Variants in NRG1 observed in about 807,000 individuals in gnomAD.
The protein encoded by NRG1 is pro-neuregulin-1, membrane-bound isoform.
NRG1 carries 18 observed loss-of-function variants against 63.8 expected under a neutral mutation model. That is an observed-to-expected ratio of 0.28 (90% CI 0.19 to 0.42). The LOEUF (loss-of-function observed/expected upper bound fraction) is 0.42. NRG1 is among the 10% of genes least tolerant of loss of function. The pLI is 1.00. For missense variants in NRG1, 762 were observed against 814.7 expected, an observed-to-expected ratio of 0.94 and a Z score of 0.79; for synonymous variants, 302 against 301.3, an observed-to-expected ratio of 1.00 and a Z score of -0.02.
In NRG1 at chr8:32,742,133, C is replaced by A; in HGVS notation, c.633-542C>A. On this transcript the variant is annotated intron_variant, in intron 6 of 11. Coordinates refer to ENST00000356819, the Ensembl canonical transcript of NRG1. This position sits in a 1 kb window ranked among gnomAD's most constrained non-coding sequence, Gnocchi z 4.2. ...CCCCAACTACAGCAACAATCACTAC[C>A]ACTTGGTGCTTTTACAGCTCAGTCG... 1 of 1,363,028 alleles carries A rather than the reference C, an allele frequency of 7.3e-7. No individual in the cohort carries two copies. The highest frequency in any genetic ancestry group is 1.0e-6 in the Non-Finnish European group (1 of 952,454). The allele number at this position is 1,363,028 out of a possible 1,614,324, so 84.4% of individuals were successfully genotyped here.
At chr8:31,991,681 G>A (rs1033370952) in intron 1 of NRG1, among the ~76,000 whole-genome samples, 4 of 151,810 alleles carry the variant, frequency 2.6e-5, no homozygotes, top group African/African-American at 7.3e-5. Flanking sequence ...ATATCCTGTG[G>A]GTGTGTATCA....
intron 1 of NRG1, among the ~76,000 whole-genome samples, chr8:31,658,453 G>A (rs1484599510): frequency 6.6e-6 from 1 of 152,074 alleles, no homozygotes. Flanking sequence ...TTAGGCAGTG[G>A]TAAGTGCCTT....
intron 1 of NRG1, among the ~76,000 whole-genome samples, chr8:31,885,710 T>G (rs565710297): frequency 1.3e-5 from 2 of 152,080 alleles, no homozygotes; most frequent in African/African-American, 4.8e-5. Context: ...ATGTCCTGAT[T>G]TTTTGCTAAA....
intron 1 of NRG1, among the ~76,000 whole-genome samples, chr8:32,214,613 A>G (rs1192742927): frequency 6.6e-6 from 1 of 152,092 alleles, no homozygotes; most frequent in African/African-American, 2.4e-5. Context: ...ACTGCATTCC[A>G]TCCTGGGCAA....
chr8:31,673,772 TAGTC>T (rs1423543190), intron 1 of NRG1, among the ~76,000 whole-genome samples: 20 of 152,118 alleles, frequency 1.3e-4, no homozygotes. Context: ...GTGAGATTCA[TAGTC>T]AGGATGGTCT....
intron 1 of NRG1, among the ~76,000 whole-genome samples, chr8:31,694,597 G>A (rs982278665): frequency 6.6e-6 from 1 of 152,174 alleles, no homozygotes; most frequent in East Asian, 1.9e-4. Context: ...TTGTGATCTA[G>A]TAAAGCTTGT....
At chr8:32,545,802 C>T (rs970916106), upstream of NRG1, among the ~76,000 whole-genome samples, 7 of 152,148 alleles carry the variant, frequency 4.6e-5, no homozygotes, top group South Asian at 6.2e-4. Flanking sequence ...AATTCAGCTA[C>T]AAGTGATAAC....
At chr8:32,497,454 A>G (rs1362194829) in intron 1 of NRG1, among the ~76,000 whole-genome samples, 2 of 151,978 alleles carry the variant, frequency 1.3e-5, no homozygotes, top group Non-Finnish European at 2.9e-5. Context: ...ATCAAAAAAA[A>G]AAAAAAAAAA....
upstream of NRG1, among the ~76,000 whole-genome samples, chr8:32,547,884 G>C (rs1833261321): frequency 6.6e-6 from 1 of 152,154 alleles, no homozygotes; most frequent in Non-Finnish European, 1.5e-5. Flanking sequence ...GCACAGGTGT[G>C]GGAGTCGCAA....
At chr8:32,014,109 T>A (rs1330726194) in intron 1 of NRG1, among the ~76,000 whole-genome samples, 3 of 152,174 alleles carry the variant, frequency 2.0e-5, no homozygotes, top group African/African-American at 7.2e-5. Flanking sequence ...GGTAGCTTGA[T>A]GGGGATAGCA....
chr8:32,293,470 C>A (rs1206814894), intron 1 of NRG1, among the ~76,000 whole-genome samples: 1 of 152,070 alleles, frequency 6.6e-6, no homozygotes, highest in Non-Finnish European at 1.5e-5. Context: ...GTCCTTCTGG[C>A]CCCCAGATCT....
intron 1 of NRG1, among the ~76,000 whole-genome samples, chr8:32,425,587 G>T (rs1035716134): frequency 6.6e-6 from 1 of 152,130 alleles, no homozygotes; most frequent in Non-Finnish European, 1.5e-5. Flanking sequence ...ATGCTACCAT[G>T]GTTGTTTTAT....
chr8:32,461,651 C>T (rs571852775), intron 1 of NRG1, among the ~76,000 whole-genome samples: 21 of 152,172 alleles, frequency 1.4e-4, no homozygotes, highest in African/African-American at 2.9e-4. Context: ...TAGATCATGC[C>T]GTTGCACTCC....
chr8:32,488,114 T>G (rs1826125516), intron 1 of NRG1, among the ~76,000 whole-genome samples: 1 of 152,236 alleles, frequency 6.6e-6, no homozygotes, highest in Admixed American at 6.5e-5. Context: ...TTTTTTGTTT[T>G]GTTTGGTTTT....
chr8:31,705,181 C>A (rs1811025960), intron 1 of NRG1, among the ~76,000 whole-genome samples: 2 of 152,038 alleles, frequency 1.3e-5, no homozygotes, highest in East Asian at 3.9e-4. Flanking sequence ...GAAGTACAGT[C>A]GTGCGCCACC....
intron 1 of NRG1, among the ~76,000 whole-genome samples, chr8:31,971,085 A>G (rs982802537): frequency 3.9e-4 from 59 of 152,290 alleles, no homozygotes; most frequent in African/African-American, 1.3e-3. Context: ...GAGCATATTT[A>G]ACCATTAAAA....
At chr8:31,850,090 C>T (rs918016282) in intron 1 of NRG1, among the ~76,000 whole-genome samples, 33 of 152,188 alleles carry the variant, frequency 2.2e-4, no homozygotes, top group African/African-American at 7.5e-4. Flanking sequence ...AACACAGTGA[C>T]CACAACCGAG....
intron 5 of NRG1, among the ~76,000 whole-genome samples, chr8:32,668,620 A>G (rs1241784441): frequency 6.6e-6 from 1 of 152,204 alleles, no homozygotes; most frequent in Non-Finnish European, 1.5e-5. Context: ...GTCATATTTT[A>G]GCATAATTAA....
At chr8:31,664,298 T>G (rs1329072499) in intron 1 of NRG1, among the ~76,000 whole-genome samples, 1 of 152,188 alleles carries the variant, frequency 6.6e-6, no homozygotes, top group Non-Finnish European at 1.5e-5. Flanking sequence ...TTGTTGGACT[T>G]CTTTGAAGAC....
Sources: allele counts gnomAD v4.1 joint callset (sites outside exome capture counted in the v4.1 genomes callset), GRCh38; gene constraint gnomAD v4.1.1; non-coding constraint Gnocchi (gnomAD v3.1); transcripts MANE v1.5; gene names NCBI Gene and HGNC (gene_info 2026-07-23, HGNC 2026-07-21).